WWC1: variants seen among roughly 807,000 people sequenced by gnomAD.
The protein encoded by WWC1 is protein KIBRA.
Under a neutral mutation model 138.4 loss-of-function variants are expected in WWC1, and 55 were observed. The observed-to-expected ratio is 0.40, with a 90% confidence interval of 0.32 to 0.50. The LOEUF (loss-of-function observed/expected upper bound fraction) is 0.50, where lower values mean the gene tolerates loss of function less well. Ranked by LOEUF, WWC1 falls within the 20% of genes least tolerant of loss-of-function variation. WWC1 has a pLI of 0.72. For missense variants in WWC1, 1,226 were observed against 1,420.4 expected (o/e 0.86, Z 2.20); for synonymous variants, 524 against 564.9 (o/e 0.93, Z 1.03).
At position 168,377,566 on chromosome 5, in the gene WWC1, A is replaced by T. The variant is rs550223693; in HGVS notation, c.229+6033A>T. ...GTCTAATATCCAGAATCTATAAGGA[A>T]CTTAAAAAATTCAACAAGCAAAAAA... On this transcript the variant is annotated intron_variant, in intron 2 of 22. Transcript: ENST00000265293. 2.0e-5 allele frequency among the ~76,000 whole-genome samples: 3 copies of T among 151,810 alleles called. No individual in the cohort carries two copies. In the South Asian group the frequency reaches 6.2e-4, roughly 31 times the overall value.
At chr5:168,318,481 C>T (rs1561602947) in intron 1 of WWC1, among the ~76,000 whole-genome samples, 1 of 152,034 alleles carries the variant, frequency 6.6e-6, no homozygotes, top group Non-Finnish European at 1.5e-5. Flanking sequence ...CTTCTACTTT[C>T]TGTCTCTATG....
chr5:168,401,098 A>C (rs1353969971), intron 5 of WWC1, among the ~76,000 whole-genome samples: 1 of 152,160 alleles, frequency 6.6e-6, no homozygotes, highest in African/African-American at 2.4e-5. Context: ...CTCGAAAAAA[A>C]GGAAAAAAAG....
At chr5:168,304,171 A>G (rs1440676604) in intron 1 of WWC1, among the ~76,000 whole-genome samples, 1 of 152,144 alleles carries the variant, frequency 6.6e-6, no homozygotes, top group Non-Finnish European at 1.5e-5. Context: ...CCCATAATAT[A>G]TTTGATAACT....
At chr5:168,426,433 C>A (rs536292366) in intron 11 of WWC1, among the ~76,000 whole-genome samples, 1 of 152,264 alleles carries the variant, frequency 6.6e-6, no homozygotes, top group African/African-American at 2.4e-5. Context: ...GGCTTGTGGG[C>A]CTCAGACAGC....
Position 168,291,901 on chromosome 5 carries a change from C to A in WWC1, c.-252C>A, listed in dbSNP as rs1285030841. The A allele has an allele frequency of 5.6e-6, 1 of 177,954 alleles. No individual in the cohort carries two copies. The highest frequency in any genetic ancestry group is 1.1e-5 in the Non-Finnish European group (1 of 87,718). The allele number at this position is 177,954 out of a possible 1,614,324, so 11.0% of individuals were successfully genotyped here. ...GGCGCGCACCCGGGCTCGCACCGCG[C>A]CGCTGCGGACGCACATGGCAGCGTG... On this transcript the variant is annotated 5_prime_UTR_variant, in exon 1 of 23. Coordinates refer to ENST00000265293, the MANE Select transcript of WWC1 (RefSeq NM_015238.3).
chr5:168,343,181 A>AGGAGAATGG (rs1427291982), intron 1 of WWC1, among the ~76,000 whole-genome samples: 9 of 151,994 alleles, frequency 5.9e-5, no homozygotes, highest in African/African-American at 1.9e-4. Flanking sequence ...CATAAAGTTC[A>AGGAGAATGG]CTGTGCTAGG....
In WWC1 at chr5:168,469,291, T is replaced by G; in HGVS notation, c.*274T>G. ...GTTTGTATATTTAGGAGTGTATTTT[T>G]GGGAAAGAAAATTTAAATGAACTAA... On this transcript the variant is annotated 3_prime_UTR_variant, in exon 23 of 23. Transcript: ENST00000265293. 2.4e-6 allele frequency: 1 copy of G among 421,688 alleles called. No homozygotes were observed. Among genetic ancestry groups the G allele is most frequent in the Non-Finnish European group, 4.3e-6 (1 of 234,182 alleles). 26.1% of individuals were successfully genotyped at this position (421,688 alleles called of 1,614,324 possible).
chr5:168,334,079 C>G (rs1197565596), intron 1 of WWC1, among the ~76,000 whole-genome samples: 5 of 101,148 alleles, frequency 4.9e-5, no homozygotes, highest in Non-Finnish European at 1.0e-4. Context: ...AAAAAAAAAG[C>G]CATGTATAGT....
intron 3 of WWC1, among the ~76,000 whole-genome samples, chr5:168,391,848 GCAGA>G (rs1309090839): frequency 1.4e-5 from 2 of 147,724 alleles, no homozygotes; most frequent in African/African-American, 2.5e-5. Flanking sequence ...AAGCTGGAAA[GCAGA>G]CAGACAGGTG....
At chr5:168,409,186 T>C (rs555311827) in intron 7 of WWC1, among the ~76,000 whole-genome samples, 2 of 152,310 alleles carry the variant, frequency 1.3e-5, no homozygotes, top group South Asian at 4.1e-4. Flanking sequence ...TGAACCATGG[T>C]GCCTCGTAAC....
intron 3 of WWC1, among the ~76,000 whole-genome samples, chr5:168,388,701 G>T (rs182210261): frequency 1.3e-5 from 2 of 151,504 alleles, no homozygotes; most frequent in African/African-American, 2.4e-5. Flanking sequence ...GTGGTGGCAC[G>T]TGCCTGTAAT....
rs974163716 is a variant in WWC1 at position 168,471,228 on chromosome 5, T to G, written c.*2211T>G. ...TATAGTGGTGTAGAATCTACTCTTC[T>G]TCCCCCTGTGGCTTCCAGGCCCCCC... On this transcript the variant is annotated 3_prime_UTR_variant, in exon 23 of 23. Coordinates refer to ENST00000265293, the MANE Select transcript of WWC1 (RefSeq NM_015238.3). 6.6e-6 allele frequency: 1 copy of G among 152,526 alleles called. No homozygotes were observed. Among genetic ancestry groups the G allele is most frequent in the Non-Finnish European group, 1.5e-5 (1 of 68,334 alleles). 9.4% of individuals were successfully genotyped at this position (152,526 alleles called of 1,614,324 possible).
intron 17 of WWC1, among the ~76,000 whole-genome samples, chr5:168,450,528 T>C (rs1015629455): frequency 7.9e-5 from 12 of 152,026 alleles, no homozygotes; most frequent in Non-Finnish European, 1.6e-4. Context: ...CAGCTTGGCA[T>C]GGCGGCACGT....
chr5:168,428,222 G>C, intron 12 of WWC1, 81 bp downstream of exon 12: 1 of 1,431,006 alleles, frequency 7.0e-7, no homozygotes. Context: ...CTGTGGAGAG[G>C]CTTAGGTTTT....
At chr5:168,405,768 C>T (rs1313970040) in intron 5 of WWC1, among the ~76,000 whole-genome samples, 1 of 150,094 alleles carries the variant, frequency 6.7e-6, no homozygotes, top group African/African-American at 2.5e-5. Flanking sequence ...GTTCTGTCTC[C>T]CAGGCTGGAG....
At chr5:168,406,698 T>TTGG (rs1779820525) in intron 6 of WWC1, among the ~76,000 whole-genome samples, 1 of 151,972 alleles carries the variant, frequency 6.6e-6, no homozygotes, top group African/African-American at 2.4e-5. Context: ...TCCCAGCACT[T>TTGG]TGGGAGGCTG....
chr5:168,409,789 G>A lies in WWC1; in HGVS notation c.868-133G>A, dbSNP rs1268930563. 3.2e-5 allele frequency: 28 copies of A among 866,074 alleles called. 1 individual carries two copies. Among genetic ancestry groups the A allele is most frequent in the East Asian group, 5.1e-5 (2 of 39,442 alleles). 53.6% of individuals were successfully genotyped at this position (866,074 alleles called of 1,614,324 possible). On this transcript the variant is annotated intron_variant, in intron 7 of 22. Transcript: ENST00000265293. Reference sequence around the variant, plus strand: ...AACCAGCTTCCCTGCGATCTGCACCGCCAGCCCAGTCACCGGGGGCTATTC... The same window carrying A: ...AACCAGCTTCCCTGCGATCTGCACCACCAGCCCAGTCACCGGGGGCTATTC...
Position 168,454,113 on chromosome 5 carries a change from G to A in WWC1, c.2658+13G>A, listed in dbSNP as rs753300725. 2 of 1,609,410 alleles carry A rather than the reference G, an allele frequency of 1.2e-6. No homozygotes were observed. The highest frequency in any genetic ancestry group is 1.3e-5 in the African/African-American group (1 of 74,554). On this transcript the variant is annotated intron_variant, in intron 18 of 22. Coordinates refer to ENST00000265293, the MANE Select transcript of WWC1 (RefSeq NM_015238.3). ...CCCAGCATTAAAGGTAGGAAGGGCTGGGGGGATAGAAGGGCTGTCGTGGGG... is the reference window on the plus strand; with the variant it reads ...CCCAGCATTAAAGGTAGGAAGGGCTAGGGGGATAGAAGGGCTGTCGTGGGG...
chr5:168,468,873 A>G (rs914299961), intron 22 of WWC1, 78 bp from the exon 23 acceptor site: 3 of 1,519,106 alleles, frequency 2.0e-6, no homozygotes, highest in African/African-American at 2.7e-5. Context: ...AGCTCCCACG[A>G]CAAAGAATTA....
Sources: allele counts gnomAD v4.1 joint callset (sites outside exome capture counted in the v4.1 genomes callset), GRCh38; gene constraint gnomAD v4.1.1; transcripts MANE v1.5; gene names NCBI Gene and HGNC (gene_info 2026-07-23, HGNC 2026-07-21).